The following RNF125 variants were observed in gnomAD, a reference collection of about 807,000 sequenced individuals.
The protein encoded by RNF125 is E3 ubiquitin-protein ligase RNF125.
In RNF125, 21 loss-of-function variants were observed where a neutral mutation model predicts 26.0. That is an observed-to-expected ratio of 0.81 (90% CI 0.57 to 1.16). The LOEUF is 1.16. RNF125 is among the 50% of genes most tolerant of loss of function. RNF125 has a pLI of 0.00. For missense variants in RNF125, 270 were observed against 299.4 expected (o/e 0.90, Z 0.72); for synonymous variants, 95 against 109.2 (o/e 0.87, Z 0.81).
chr18:32,049,761 G>T (rs1261933118), intron 4 of RNF125, among the ~76,000 whole-genome samples: 1 of 152,072 alleles, frequency 6.6e-6, no homozygotes, highest in African/African-American at 2.4e-5. Flanking sequence ...AGACCTTCAG[G>T]TGTCCTGTGT....
chr18:32,035,094 GCT>G (rs1568196042), intron 1 of RNF125, among the ~76,000 whole-genome samples: 265 of 152,198 alleles, frequency 1.7e-3, no homozygotes, highest in African/African-American at 5.8e-3. Flanking sequence ...CTTGCCAGGT[GCT>G]CATGCCTTCA....
At chr18:32,048,380 C>A (rs916735528) in intron 4 of RNF125, among the ~76,000 whole-genome samples, 8 of 151,554 alleles carry the variant, frequency 5.3e-5, no homozygotes, top group East Asian at 1.9e-4. Flanking sequence ...GAGCTGAGAT[C>A]ACGCCATTGC....
rs2039526859 is a variant in RNF125, at chr18:32,070,751, C to T, written c.*2367C>T. On this transcript the variant is annotated 3_prime_UTR_variant, in exon 6 of 6. Transcript: ENST00000217740. ...GAGTCTCGCGCTCTTGTTGCCCAGG[C>T]TGGAGTGCAATGGCACGATCTCGGC... 6.6e-6 allele frequency: 1 copy of T among 150,476 alleles called. No homozygotes were observed. Among genetic ancestry groups the T allele is most frequent in the Non-Finnish European group, 1.5e-5 (1 of 67,896 alleles). The allele number at this position is 150,476 out of a possible 1,614,324, so 9.3% of individuals were successfully genotyped here.
chr18:32,086,851 T>C, the RNF125 span, among the ~76,000 whole-genome samples: 1 of 151,672 alleles, frequency 6.6e-6, no homozygotes, highest in Non-Finnish European at 1.5e-5. Flanking sequence ...AGGGTCCCAC[T>C]ATGTTGTCCA....
chr18:32,063,093 G>A (rs1383369397), intron 4 of RNF125, among the ~76,000 whole-genome samples: 2 of 151,772 alleles, frequency 1.3e-5, no homozygotes, highest in African/African-American at 2.4e-5. Flanking sequence ...GGTGGTGGGC[G>A]CCTGTAATCC....
chr18:32,061,035 G>GT lies in RNF125; in HGVS notation c.505-4858dup, dbSNP rs201537543. 1.3e-3 allele frequency among the ~76,000 whole-genome samples: 194 copies of GT among 151,384 alleles called. 1 individual carries two copies. Among genetic ancestry groups the GT allele is most frequent in the African/African-American group, 4.3e-3 (177 of 41,292 alleles). On this transcript the variant is annotated intron_variant, in intron 4 of 5. Transcript: ENST00000217740. ...AAAATCTTGTTTGCTTAAAATTCTAGTTTTTTTTTCAGACAGTCTTGCTCT... is the reference window on the plus strand; with the variant it reads ...AAAATCTTGTTTGCTTAAAATTCTAGTTTTTTTTTTCAGACAGTCTTGCTCT...
chr18:32,025,770 C>T (rs2039028867), intron 1 of RNF125, among the ~76,000 whole-genome samples: 1 of 150,772 alleles, frequency 6.6e-6, no homozygotes, highest in South Asian at 2.1e-4. Context: ...CTCAAGGGGT[C>T]TCAGGGTTCA....
At position 32,050,749 on chromosome 18, in the gene RNF125, C is replaced by T. The variant is rs1211635504; in HGVS notation, c.504+5017C>T. Among the ~76,000 whole-genome samples, 5 of 151,422 alleles carry T rather than the reference C, an allele frequency of 3.3e-5. No individual in the cohort carries two copies. The East Asian group carries it at 9.8e-4, about 30-fold the overall frequency. On this transcript the variant is annotated intron_variant, in intron 4 of 5. Transcript: ENST00000217740. The stretch of plus-strand genomic sequence containing the variant: ...TTATGAGACCACTTTTTTTCTTTTT[C>T]CTTAAATGTAGATAACATTAATGAG...
intron 1 of RNF125, 148 bp downstream of exon 1, chr18:32,019,175 C>A: frequency 1.1e-6 from 1 of 937,568 alleles, no homozygotes; most frequent in Non-Finnish European, 1.6e-6. Flanking sequence ...GGATGCAGGA[C>A]CACGGGGAAA....
chr18:32,055,523 G>A (rs1483092327), intron 4 of RNF125, among the ~76,000 whole-genome samples: 3 of 152,204 alleles, frequency 2.0e-5, no homozygotes, highest in African/African-American at 7.2e-5. Flanking sequence ...TTTTTCACAC[G>A]CAGGAGAGAG....
intron 4 of RNF125, among the ~76,000 whole-genome samples, chr18:32,057,253 C>T (rs1006838374): frequency 6.6e-6 from 1 of 151,952 alleles, no homozygotes; most frequent in Non-Finnish European, 1.5e-5. Context: ...GTTATCCATA[C>T]AGCACTGTAC....
the RNF125 span, among the ~76,000 whole-genome samples, chr18:32,087,091 T>C: frequency 1.3e-5 from 2 of 152,096 alleles, no homozygotes; most frequent in African/African-American, 2.4e-5. Flanking sequence ...TAGGGAAGGC[T>C]TGGAAGCTCT....
chr18:32,019,097 T>G (rs1047777856), intron 1 of RNF125, 70 bp downstream of exon 1: 3 of 1,562,666 alleles, frequency 1.9e-6, no homozygotes, highest in Non-Finnish European at 2.6e-6. Context: ...GAGGGCATGG[T>G]GTGGGGAAGG....
downstream of RNF125, among the ~76,000 whole-genome samples, chr18:32,076,460 C>T (rs939201055): frequency 6.6e-6 from 1 of 152,014 alleles, no homozygotes; most frequent in Non-Finnish European, 1.5e-5. Flanking sequence ...GGATCATAGA[C>T]ATGCACTACC....
At chr18:32,041,010 C>A (rs72934872) in intron 2 of RNF125, among the ~76,000 whole-genome samples, 2 of 152,020 alleles carry the variant, frequency 1.3e-5, no homozygotes, top group African/African-American at 4.8e-5. Flanking sequence ...ACAATTATAA[C>A]TGTTTCCTTG....
chr18:32,067,215 T>C (rs56303724), intron 5 of RNF125, among the ~76,000 whole-genome samples: 10,023 of 152,302 alleles, frequency 0.066, 431 homozygotes, highest in Middle Eastern at 0.1. Context: ...ATCGCGCCAC[T>C]GCACTCCAGC....
intron 2 of RNF125, among the ~76,000 whole-genome samples, chr18:32,037,536 C>A (rs977485854): frequency 9.2e-5 from 14 of 151,914 alleles, no homozygotes; most frequent in Admixed American, 5.3e-4. Flanking sequence ...TCACGCCTGG[C>A]TAATTTTTTG....
At chr18:32,021,734 G>A (rs1244402152) in intron 1 of RNF125, among the ~76,000 whole-genome samples, 1 of 152,092 alleles carries the variant, frequency 6.6e-6, no homozygotes, top group Admixed American at 6.6e-5. Flanking sequence ...TTTGGACTTT[G>A]AATATTATAA....
chr18:32,064,152 G>A (rs1045991784), intron 4 of RNF125, among the ~76,000 whole-genome samples: 13 of 151,756 alleles, frequency 8.6e-5, no homozygotes, highest in East Asian at 1.9e-4. Flanking sequence ...GCACCACCAC[G>A]CCTGGCTAAT....
Sources: gnomAD v4.1 joint callset for allele counts (sites outside exome capture counted in the v4.1 genomes callset) on GRCh38, gnomAD v4.1.1 for gene constraint, MANE v1.5 for transcripts, NCBI Gene and HGNC (gene_info 2026-07-23, HGNC 2026-07-21) for gene names.